MKKS: variants seen among roughly 807,000 people sequenced by gnomAD.
MKKS encodes MKKS centrosomal shuttling protein.
Under a neutral mutation model 33.2 loss-of-function variants are expected in MKKS, and 29 were observed. That is an observed-to-expected ratio of 0.87 (90% CI 0.65 to 1.19). The LOEUF (loss-of-function observed/expected upper bound fraction) is 1.19, where lower values mean the gene tolerates loss of function less well. Among genes scored for constraint, MKKS ranks in the 50% most tolerant of loss-of-function variants. The pLI, the probability that MKKS is intolerant of heterozygous loss-of-function variation, is 0.00. For synonymous variants in MKKS, 260 were observed against 244.0 expected, an observed-to-expected ratio of 1.07 and a Z score of -0.61; for missense variants, 661 against 662.3, an observed-to-expected ratio of 1.00 and a Z score of 0.02.
At chr20:10,411,284 C>T (rs576744828) in intron 3 of MKKS, among the ~76,000 whole-genome samples, 6 of 151,944 alleles carry the variant, frequency 3.9e-5, no homozygotes, top group Admixed American at 2.0e-4. Context: ...CCGCCCAGCC[C>T]TTTCTGTTTT....
rs749050515 is a variant in MKKS at position 10,413,071 on chromosome 20, C to G, written c.444G>C (p.Gln148His). Reference protein sequence around the residue: ...CRIPVDFSSTQILLCLVRSIL... With the variant: ...CRIPVDFSSTHILLCLVRSIL... ...TACTACGCACCAAACAAAGGAGGAT[C>G]TGAGTACTACTAAAGTCCACTGGGA... Residue 148 changes from glutamine to histidine, a missense_variant, in exon 3 of 6, where the codon CAG becomes CAC. Physicochemically the swap from Gln to His is conservative, Grantham distance 24. Transcript: ENST00000347364. 2.5e-6 allele frequency: 4 copies of G among 1,613,896 alleles called. No individual in the cohort carries two copies. The African/African-American group carries it at 5.3e-5, about 22-fold the overall frequency.
rs1300772074 is a variant in MKKS at position 10,403,569 on chromosome 20, T to C, written c.*1678A>G. 3.9e-5 allele frequency: 6 copies of C among 152,212 alleles called. No homozygotes were observed. The highest frequency in any genetic ancestry group is 1.4e-4 in the African/African-American group (6 of 41,448). 9.4% of individuals were successfully genotyped at this position (152,212 alleles called of 1,614,324 possible). ...CTGGAACACAGTTGCTTTCCATCTG[T>C]AGACCCATGAAACTAGAGAAAAGTT... On this transcript the variant is annotated 3_prime_UTR_variant, in exon 6 of 6. Transcript: ENST00000347364.
At chr20:10,418,819 G>C (rs1435140105) in intron 2 of MKKS, among the ~76,000 whole-genome samples, 2 of 151,722 alleles carry the variant, frequency 1.3e-5, no homozygotes, top group Non-Finnish European at 2.9e-5. Context: ...TAATATAATG[G>C]TCTTACTAGT....
intron 1 of MKKS, among the ~76,000 whole-genome samples, chr20:10,430,367 G>A (rs928563306): frequency 2.6e-5 from 4 of 152,098 alleles, no homozygotes; most frequent in Non-Finnish European, 5.9e-5. Flanking sequence ...TGTACAATGT[G>A]AATAATAACA....
chr20:10,406,826 T>G (rs993180934), intron 5 of MKKS, among the ~76,000 whole-genome samples: 3 of 152,248 alleles, frequency 2.0e-5, no homozygotes, highest in African/African-American at 7.2e-5. Flanking sequence ...TTTTCCATAA[T>G]GTATATTCTG....
At chr20:10,421,413 T>A (rs1248550439) in intron 1 of MKKS, among the ~76,000 whole-genome samples, 47 of 103,742 alleles carry the variant, frequency 4.5e-4, no homozygotes, top group African/African-American at 1.6e-3. Flanking sequence ...TGAGACTCCA[T>A]CACAAAAAAA....
Position 10,427,379 on chromosome 20 carries a change from CT to C in MKKS, c.-648-6622del, listed in dbSNP as rs780788105. Among the ~76,000 whole-genome samples, 14 of 152,204 alleles carry C rather than the reference CT, an allele frequency of 9.2e-5. No individual in the cohort carries two copies. The East Asian group carries it at 2.7e-3, about 29-fold the overall frequency. On this transcript the variant is annotated intron_variant, in intron 1 of 5. Coordinates refer to ENST00000347364, the MANE Select transcript of MKKS (RefSeq NM_170784.3). ...TTGAAAAAATTGTAATTTTTAAAAA[CT>C]TCCACTGAATGTAATTTAATCATGA...
In MKKS at chr20:10,405,690, A is replaced by G. The variant is rs747899343; in HGVS notation, c.1273-3T>C. The G allele has an allele frequency of 1.2e-6, 2 of 1,609,232 alleles. No homozygotes were observed. Among genetic ancestry groups the G allele is most frequent in the East Asian group, 2.2e-5 (1 of 44,864 alleles). ...ATGCTTTCTGGGTCGTTGTGAGTCT[A>G]AAGAGTAATAAAAACATTGAAAACA... On this transcript the variant is annotated splice_polypyrimidine_tract_variant and splice_region_variant and intron_variant, in intron 5 of 5. Coordinates refer to ENST00000347364, the MANE Select transcript of MKKS (RefSeq NM_170784.3).
rs1347653111 is a variant in MKKS at position 10,413,373 on chromosome 20, T to G, written c.142A>C (p.Asn48His). 1.2e-6 allele frequency: 2 copies of G among 1,613,150 alleles called. No individual in the cohort carries two copies. The highest frequency in any genetic ancestry group is 2.2e-5 in the South Asian group (2 of 91,086). ...GTACACACGTAACCTCCAAAGCCAT[T>G]GTGCAGCTGCTTCAGCCTACCTGAG... ...GPSGRLKQLH[N>H]GFGGYVCTTS... is the part of the protein sequence containing the mutation. Residue 48 changes from asparagine to histidine, a missense_variant, in exon 3 of 6, where the codon AAT (asparagine) becomes CAT (histidine). Coordinates refer to ENST00000347364, the MANE Select transcript of MKKS (RefSeq NM_170784.3).
At position 10,413,296 on chromosome 20, in the gene MKKS, A is replaced by G. The variant is rs1568666747; in HGVS notation, c.219T>C (p.Ile73=). ...LLSHLLVTHP[I]LKILTASIQN... ...GTATGGAGGCTGTCAGGATCTTTAAAATGGGATGTGTGACCAAAAGGTGAC... is the reference window on the plus strand; with the variant it reads ...GTATGGAGGCTGTCAGGATCTTTAAGATGGGATGTGTGACCAAAAGGTGAC... The change falls in exon 3 of 6, where the codon ATT becomes ATC. Residue 73 remains isoleucine, a synonymous_variant. Transcript: ENST00000347364. 6.2e-7 allele frequency: 1 copy of G among 1,614,222 alleles called. No homozygotes were observed.
At chr20:10,405,781 AAAGT>A (rs2064839385) in intron 5 of MKKS, 94 bp from the exon 6 acceptor site, 6 of 1,183,136 alleles carry the variant, frequency 5.1e-6, no homozygotes, top group Non-Finnish European at 2.4e-6. Flanking sequence ...TCTTATTCCT[AAAGT>A]AATTACTTAC....
chr20:10,429,738 G>A (rs2065041356), intron 1 of MKKS, among the ~76,000 whole-genome samples: 1 of 152,000 alleles, frequency 6.6e-6, no homozygotes, highest in Non-Finnish European at 1.5e-5. Flanking sequence ...TCCTCCCTAG[G>A]GTCACAGTCC....
chr20:10,402,562 A>G lies in MKKS; in HGVS notation c.*2685T>C, dbSNP rs2064816135. On this transcript the variant is annotated 3_prime_UTR_variant, in exon 6 of 6. Coordinates refer to ENST00000347364, the MANE Select transcript of MKKS (RefSeq NM_170784.3). ...AAGGAATGTAATCAAATTGTATGGC[A>G]AAGCTAAAAATGATAGAATTTAAAA... is the stretch of plus-strand genomic sequence containing the variant. The G allele has an allele frequency of 6.6e-6, 1 of 152,228 alleles. No individual in the cohort carries two copies. The highest frequency in any genetic ancestry group is 2.4e-5 in the African/African-American group (1 of 41,464). The allele number at this position is 152,228 out of a possible 1,614,324, so 9.4% of individuals were successfully genotyped here. A position where few individuals can be genotyped will look rare whatever the true frequency, so the allele number is the denominator to read the frequency against.
At chr20:10,427,523 T>C (rs891291764) in intron 1 of MKKS, among the ~76,000 whole-genome samples, 1 of 152,248 alleles carries the variant, frequency 6.6e-6, no homozygotes, top group Non-Finnish European at 1.5e-5. Context: ...ATGTTGGCTT[T>C]AGGTATTTGT....
rs1256823087 is a variant in MKKS, at chr20:10,413,741, T to C, written c.-227A>G. The stretch of plus-strand genomic sequence containing the variant: ...TCCAAATATTTATTTTACTTCACTC[T>C]TCAATACTCTTTTGTTTGCTTTGAG... On this transcript the variant is annotated 5_prime_UTR_variant, in exon 3 of 6. Coordinates refer to ENST00000347364, the MANE Select transcript of MKKS (RefSeq NM_170784.3). The C allele has an allele frequency of 1.7e-6, 1 of 605,296 alleles. No homozygotes were observed. Among genetic ancestry groups the C allele is most frequent in the African/African-American group, 1.9e-5 (1 of 54,008 alleles). 37.5% of individuals were successfully genotyped at this position (605,296 alleles called of 1,614,324 possible).
At chr20:10,433,272 G>A (rs1038793145) in intron 1 of MKKS, among the ~76,000 whole-genome samples, 5 of 152,184 alleles carry the variant, frequency 3.3e-5, no homozygotes, top group Non-Finnish European at 7.3e-5. Flanking sequence ...CCTAAAGTGC[G>A]GGGTTACAGG....
chr20:10,426,485 C>T (rs117789439), intron 1 of MKKS, among the ~76,000 whole-genome samples: 2,852 of 152,062 alleles, frequency 0.019, 52 homozygotes, highest in Non-Finnish European at 0.032. Flanking sequence ...GGCTCACCTC[C>T]GCATGCCAGA....
chr20:10,430,541 A>C (rs985276467), intron 1 of MKKS, among the ~76,000 whole-genome samples: 2 of 152,232 alleles, frequency 1.3e-5, no homozygotes, highest in Non-Finnish European at 2.9e-5. Flanking sequence ...ATTAATGCCC[A>C]AACTAAGGGA....
At chr20:10,422,545 G>A (rs1164568534) in intron 1 of MKKS, among the ~76,000 whole-genome samples, 2 of 152,074 alleles carry the variant, frequency 1.3e-5, no homozygotes, top group African/African-American at 4.8e-5. Flanking sequence ...GAGGGACAGA[G>A]GCTGCACCAA....
Sources: allele counts gnomAD v4.1 joint callset (sites outside exome capture counted in the v4.1 genomes callset), GRCh38; gene constraint gnomAD v4.1.1; transcripts MANE v1.5; gene names NCBI Gene and HGNC (gene_info 2026-07-23, HGNC 2026-07-21).